BACH2: variants seen among roughly 807,000 people sequenced by gnomAD.
The protein encoded by BACH2 is transcription regulator protein BACH2.
In BACH2, 5 loss-of-function variants were observed where a neutral mutation model predicts 61.8. That is an observed-to-expected ratio of 0.08 (90% CI 0.04 to 0.17). BACH2 has a LOEUF of 0.17. BACH2 is among the 10% of genes least tolerant of loss of function. BACH2 has a pLI of 1.00. For synonymous variants in BACH2, 446 were observed against 440.1 expected (o/e 1.01, Z -0.17); for missense variants, 824 against 1,091.1 (o/e 0.76, Z 3.45).
chr6:90,272,279 T>C (rs1036053467), intron 1 of BACH2, among the ~76,000 whole-genome samples: 7 of 152,072 alleles, frequency 4.6e-5, no homozygotes, highest in African/African-American at 1.7e-4. Context: ...TTCCTCTTTT[T>C]ATTCTCCTCT....
intron 4 of BACH2, among the ~76,000 whole-genome samples, chr6:90,155,951 T>C (rs1477705184): frequency 2.0e-5 from 3 of 152,182 alleles, no homozygotes; most frequent in Admixed American, 6.5e-5. Flanking sequence ...TATTCTCAGA[T>C]GACAATTGAG....
rs147761682 is a variant in BACH2, at chr6:90,198,858, G to A, written c.-162+7711C>T. 3.0e-3 allele frequency among the ~76,000 whole-genome samples: 461 copies of A among 152,276 alleles called. 2 individuals carry two copies. Among genetic ancestry groups the A allele is most frequent in the Middle Eastern group, 0.014 (4 of 294 alleles). ...GCTCCCATAATTCCCACATATCATAGGAGGGACCTGGTAGGAGGTAATTGT... is the reference window on the plus strand; with the variant it reads ...GCTCCCATAATTCCCACATATCATAAGAGGGACCTGGTAGGAGGTAATTGT... On this transcript the variant is annotated intron_variant, in intron 4 of 8. Transcript: ENST00000257749.
chr6:90,089,216 C>G (rs1002527119), intron 4 of BACH2, 107 bp from the exon 5 acceptor site: 1 of 152,168 alleles, frequency 6.6e-6, no homozygotes, highest in Admixed American at 6.6e-5. Context: ...GTTATGATCT[C>G]ACACAACTGT....
intron 5 of BACH2, among the ~76,000 whole-genome samples, chr6:90,038,032 A>G (rs78834383): frequency 0.019 from 2,911 of 152,286 alleles, 98 homozygotes; most frequent in East Asian, 0.14. Flanking sequence ...CCCTGCCAAC[A>G]TCCTGATTTT....
At chr6:90,082,136 G>A (rs1350317791) in intron 5 of BACH2, among the ~76,000 whole-genome samples, 1 of 152,126 alleles carries the variant, frequency 6.6e-6, no homozygotes, top group Non-Finnish European at 1.5e-5. Context: ...TTGTGAATGC[G>A]GAATGGGAAG....
At chr6:90,062,792 GCAATTGA>G in intron 5 of BACH2, 2 of 355,086 alleles carry the variant, frequency 5.6e-6, no homozygotes, top group Non-Finnish European at 7.8e-6. Context: ...GTAGTGACCA[GCAATTGA>G]CAAACTACTC....
rs370090399 is a variant in BACH2, at chr6:90,196,723, A to G, written c.-162+9846T>C. On this transcript the variant is annotated intron_variant, in intron 4 of 8. Coordinates refer to ENST00000257749, the MANE Select transcript of BACH2 (RefSeq NM_021813.4). ...TCACTATGACACGCGATGATACTTT[A>G]TCTCTCTGGTTAGGGTTGGTTATCT... Among the ~76,000 whole-genome samples the G allele has an allele frequency of 2.0e-5, 3 of 152,244 alleles. No individual in the cohort carries two copies. In the South Asian group the frequency reaches 6.2e-4, roughly 32 times the overall value.
In BACH2 at chr6:90,219,738, G is replaced by A. The variant is rs1169489280; in HGVS notation, c.-274-13057C>T. Among the ~76,000 whole-genome samples, 3 of 152,150 alleles carry A rather than the reference G, an allele frequency of 2.0e-5. No individual in the cohort carries two copies. In the East Asian group the frequency reaches 5.8e-4, roughly 29 times the overall value. ...TGAGAGATCCAGGGGTTGCTGTGGTGCCCTTCATACTCACTTCATATTCTG... is the reference window on the plus strand; with the variant it reads ...TGAGAGATCCAGGGGTTGCTGTGGTACCCTTCATACTCACTTCATATTCTG... On this transcript the variant is annotated intron_variant, in intron 3 of 8. Transcript: ENST00000257749.
At chr6:90,005,369 T>C (rs1777354125) in intron 6 of BACH2, among the ~76,000 whole-genome samples, 1 of 152,158 alleles carries the variant, frequency 6.6e-6, no homozygotes, top group African/African-American at 2.4e-5. Flanking sequence ...TTGATTCAAA[T>C]TTGGCGATAG....
At chr6:89,975,743 A>T (rs1053320272) in intron 6 of BACH2, among the ~76,000 whole-genome samples, 2 of 152,360 alleles carry the variant, frequency 1.3e-5, no homozygotes, top group East Asian at 3.9e-4. Flanking sequence ...ATAAGGTTGC[A>T]GAGAAAAACA....
At chr6:90,241,630 T>C (rs1582523105) in intron 3 of BACH2, among the ~76,000 whole-genome samples, 1 of 152,244 alleles carries the variant, frequency 6.6e-6, no homozygotes, top group Non-Finnish European at 1.5e-5. Context: ...CAACTAATGC[T>C]AGGGTAGGTG....
intron 2 of BACH2, among the ~76,000 whole-genome samples, chr6:90,268,990 G>C (rs1184436659): frequency 1.3e-5 from 2 of 152,152 alleles, no homozygotes; most frequent in East Asian, 3.9e-4. Flanking sequence ...TGAAGACTAA[G>C]AGACCTGGAG....
intron 6 of BACH2, among the ~76,000 whole-genome samples, chr6:89,959,096 T>TGCAC (rs1554220425): frequency 9.4e-6 from 1 of 106,802 alleles, no homozygotes; most frequent in African/African-American, 3.8e-5. Flanking sequence ...CATGCACAAG[T>TGCAC]GCACACACAC....
chr6:90,022,189 G>A (rs140670249), intron 5 of BACH2, among the ~76,000 whole-genome samples: 27 of 152,260 alleles, frequency 1.8e-4, no homozygotes, highest in African/African-American at 6.5e-4. Context: ...ATTGCTGCTT[G>A]TTTATTCTTT....
At chr6:90,054,436 C>A (rs974390502) in intron 5 of BACH2, among the ~76,000 whole-genome samples, 1 of 152,186 alleles carries the variant, frequency 6.6e-6, no homozygotes, top group Non-Finnish European at 1.5e-5. Flanking sequence ...CCCACCACTG[C>A]CAAGTTAGTT....
chr6:90,244,273 A>G (rs1301951307), intron 3 of BACH2, among the ~76,000 whole-genome samples: 4 of 152,228 alleles, frequency 2.6e-5, no homozygotes, highest in Admixed American at 2.0e-4. Flanking sequence ...CATGTAATAC[A>G]GTAATAGCTA....
At chr6:89,969,635 A>G (rs1775250386) in intron 6 of BACH2, among the ~76,000 whole-genome samples, 1 of 152,188 alleles carries the variant, frequency 6.6e-6, no homozygotes, top group Non-Finnish European at 1.5e-5. Flanking sequence ...AGGCTCTGCC[A>G]TATGCACCTG....
chr6:90,220,386 A>C (rs1769700293), intron 3 of BACH2, among the ~76,000 whole-genome samples: 1 of 152,254 alleles, frequency 6.6e-6, no homozygotes, highest in South Asian at 2.1e-4. Flanking sequence ...TAACATATCA[A>C]GAACAAAAGA....
intron 2 of BACH2, among the ~76,000 whole-genome samples, chr6:90,262,493 C>G (rs892136914): frequency 6.6e-6 from 1 of 152,150 alleles, no homozygotes; most frequent in African/African-American, 2.4e-5. Flanking sequence ...CAATCCTGCC[C>G]TGTTCCTTTT....
Sources: allele counts gnomAD v4.1 joint callset (sites outside exome capture counted in the v4.1 genomes callset), GRCh38; gene constraint gnomAD v4.1.1; transcripts MANE v1.5; gene names NCBI Gene and HGNC (gene_info 2026-07-23, HGNC 2026-07-21).